INPP5F: variants seen among roughly 807,000 people sequenced by gnomAD.
INPP5F encodes the protein inositol polyphosphate-5-phosphatase F.
Under a neutral mutation model 137.2 loss-of-function variants are expected in INPP5F, and 97 were observed. That is an observed-to-expected ratio of 0.71 (90% CI 0.60 to 0.84). INPP5F has a LOEUF of 0.84. Among genes scored for constraint, INPP5F ranks in the 40% least tolerant of loss-of-function variants. The pLI is 0.00. For missense variants in INPP5F, 1,271 were observed against 1,371.9 expected (o/e 0.93, Z 1.16); for synonymous variants, 504 against 476.9 (o/e 1.06, Z -0.74).
Position 119,798,890 on chromosome 10 carries a change from C to T in INPP5F, c.1116+280C>T, listed in dbSNP as rs983700494. 4.6e-5 allele frequency among the ~76,000 whole-genome samples: 7 copies of T among 151,482 alleles called. No homozygotes were observed. The South Asian group carries it at 1.0e-3, about 23-fold the overall frequency. ...AAGCAATCTTCTCTCCTCAGCCTCC[C>T]GAGTAGCTGGGACTGCAGGCATGTG... On this transcript the variant is annotated intron_variant, in intron 9 of 19. Transcript: ENST00000650623.
At chr10:119,780,299 G>A (rs1297491367) in intron 2 of INPP5F, among the ~76,000 whole-genome samples, 1 of 152,100 alleles carries the variant, frequency 6.6e-6, no homozygotes, top group Non-Finnish European at 1.5e-5. Flanking sequence ...TATTGGCTGG[G>A]CACGGTGGCT....
rs1318753549 is a variant in INPP5F, at chr10:119,756,816, C to T, written c.178+5660C>T. ...AGAAGAATTTCAAACTATTTCTGTGCGTGTTATCCTTTGTTGATGATTGCC... is the reference window on the plus strand; with the variant it reads ...AGAAGAATTTCAAACTATTTCTGTGTGTGTTATCCTTTGTTGATGATTGCC... On this transcript the variant is annotated intron_variant, in intron 2 of 19. Coordinates refer to ENST00000650623, the MANE Select transcript of INPP5F (RefSeq NM_014937.4). 8.3e-5 allele frequency among the ~76,000 whole-genome samples: 11 copies of T among 132,918 alleles called. No homozygotes were observed. The Admixed American group carries it at 9.6e-4, about 12-fold the overall frequency. The allele number at this position is 132,918 out of a possible 152,430, so 87.2% of individuals were successfully genotyped here.
chr10:119,734,042 C>T (rs1184900204), intron 1 of INPP5F, among the ~76,000 whole-genome samples: 1 of 152,196 alleles, frequency 6.6e-6, no homozygotes, highest in Non-Finnish European at 1.5e-5. Context: ...CACTGCCTCT[C>T]TTGCCACCTA....
At position 119,781,586 on chromosome 10, in the gene INPP5F, C is replaced by G. The variant is rs560250283; in HGVS notation, c.179-49C>G. 3.2e-6 allele frequency: 5 copies of G among 1,538,588 alleles called. No homozygotes were observed. The East Asian group carries it at 1.1e-4, about 35-fold the overall frequency. The stretch of plus-strand genomic sequence containing the variant: ...GTTATTCACCTTCAACTTGTCAGAA[C>G]AGTAGCACTCTAAAAACGCCAGACT... On this transcript the variant is annotated intron_variant, in intron 2 of 19. Coordinates refer to ENST00000650623, the MANE Select transcript of INPP5F (RefSeq NM_014937.4).
chr10:119,740,751 C>T (rs1848349760), intron 1 of INPP5F, among the ~76,000 whole-genome samples: 1 of 152,152 alleles, frequency 6.6e-6, no homozygotes, highest in Admixed American at 6.5e-5. Context: ...CCATGTTGGC[C>T]AGGCTGGTCT....
At chr10:119,789,673 T>C (rs1013860764) in intron 3 of INPP5F, among the ~76,000 whole-genome samples, 2 of 151,942 alleles carry the variant, frequency 1.3e-5, no homozygotes, top group Admixed American at 6.5e-5. Context: ...TGTTGGGATA[T>C]GTGAGGCTGG....
intron 3 of INPP5F, among the ~76,000 whole-genome samples, chr10:119,786,600 G>A (rs1220945310): frequency 6.6e-6 from 1 of 152,172 alleles, no homozygotes; most frequent in African/African-American, 2.4e-5. Flanking sequence ...ACACAGGCTG[G>A]AATGCAGTGA....
Position 119,798,831 on chromosome 10 carries a change from A to G in INPP5F, c.1116+221A>G, listed in dbSNP as rs370108697. Among the ~76,000 whole-genome samples the G allele has an allele frequency of 5.2e-4, 59 of 112,410 alleles. 2 individuals are homozygous for G. The highest frequency in any genetic ancestry group is 2.0e-3 in the African/African-American group (58 of 29,362). 73.7% of individuals were successfully genotyped at this position (112,410 alleles called of 152,430 possible). A position where few individuals can be genotyped will look rare whatever the true frequency, so the allele number is the denominator to read the frequency against. Reference sequence around the variant, plus strand: ...TTTTTTAAAGAGACACTGTCTTGCTATATTGCCCAGGCTGGACTCAAACTG... The same window carrying G: ...TTTTTTAAAGAGACACTGTCTTGCTGTATTGCCCAGGCTGGACTCAAACTG... On this transcript the variant is annotated intron_variant, in intron 9 of 19. Coordinates refer to ENST00000650623, the MANE Select transcript of INPP5F (RefSeq NM_014937.4).
At chr10:119,763,784 C>T (rs556405902) in intron 2 of INPP5F, among the ~76,000 whole-genome samples, 1 of 152,316 alleles carries the variant, frequency 6.6e-6, no homozygotes, top group African/African-American at 2.4e-5. Flanking sequence ...GCTCTCTTCT[C>T]GCATTTTACT....
chr10:119,801,285 A>C (rs915520121), intron 9 of INPP5F, among the ~76,000 whole-genome samples: 31 of 152,258 alleles, frequency 2.0e-4, no homozygotes, highest in Non-Finnish European at 4.4e-5. Context: ...AGCCATTTAA[A>C]AAATCCCACA....
At chr10:119,753,493 G>A (rs961381676) in intron 2 of INPP5F, among the ~76,000 whole-genome samples, 2 of 152,292 alleles carry the variant, frequency 1.3e-5, no homozygotes, top group East Asian at 1.9e-4. Context: ...GGTCATTCAC[G>A]TAGCAACATT....
chr10:119,726,688 C>G (rs1847903299), intron 1 of INPP5F, among the ~76,000 whole-genome samples: 2 of 152,226 alleles, frequency 1.3e-5, no homozygotes, highest in African/African-American at 4.8e-5. Context: ...GCAAGGTGCA[C>G]CTGGCCGTAA....
At chr10:119,738,864 A>G (rs569290778) in intron 1 of INPP5F, among the ~76,000 whole-genome samples, 14 of 152,244 alleles carry the variant, frequency 9.2e-5, no homozygotes, top group Admixed American at 3.9e-4. Context: ...AGTTTTCAAG[A>G]TAATATAAAA....
chr10:119,804,757 T>A (rs942460172), intron 10 of INPP5F, among the ~76,000 whole-genome samples: 4 of 152,052 alleles, frequency 2.6e-5, no homozygotes, highest in Non-Finnish European at 5.9e-5. Flanking sequence ...GGTCTCACTC[T>A]GTCGCCCAGG....
At chr10:119,810,259 T>G (rs941713167) in intron 14 of INPP5F, 42 bp downstream of exon 14, 1 of 1,024,832 alleles carries the variant, frequency 9.8e-7, no homozygotes, top group Admixed American at 1.9e-5. Context: ...AATTTATGTC[T>G]TCTGTGACTA....
chr10:119,810,484 C>T (rs977364445), intron 14 of INPP5F, among the ~76,000 whole-genome samples: 1 of 152,112 alleles, frequency 6.6e-6, no homozygotes, highest in African/African-American at 2.4e-5. Flanking sequence ...GTTTGAAGCT[C>T]CTGGAGTGTG....
intron 3 of INPP5F, 73 bp downstream of exon 3, chr10:119,781,844 TAG>T (rs1849720281): frequency 8.0e-7 from 1 of 1,242,358 alleles, no homozygotes; most frequent in Admixed American, 2.2e-5. Flanking sequence ...TTTGGTTCAG[TAG>T]ACCAGAAACT....
chr10:119,792,191 T>C lies in INPP5F; in HGVS notation c.647T>C (p.Ile216Thr). 6.2e-7 allele frequency: 1 copy of C among 1,613,142 alleles called. No homozygotes were observed. Among genetic ancestry groups the C allele is most frequent in the Admixed American group, 1.7e-5 (1 of 60,018 alleles). ...CGATTTTTTTGGAATAAATACATGA[T>C]ACAAGATCTTACTGAGATTGGTGTG... The part of the protein sequence containing the change: ...DDRFFWNKYM[I>T]QDLTEIGTPD... The change falls in exon 6 of 20, where the codon ATA (isoleucine) becomes ACA (threonine). Residue 216 changes from isoleucine (I) to threonine (T), a missense_variant. By Grantham distance (89) the Ile-to-Thr change is moderately conservative. Around this residue, in one of 6 missense-constraint regions of INPP5F, gnomAD observed 593 missense variants for 712.4 expected, o/e 0.83. Coordinates refer to ENST00000650623, the MANE Select transcript of INPP5F (RefSeq NM_014937.4).
At chr10:119,819,418 A>C (rs571511325) in intron 15 of INPP5F, 1 of 1,478,634 alleles carries the variant, frequency 6.8e-7, no homozygotes, top group African/African-American at 1.4e-5. Context: ...GTAAATATTA[A>C]TGCCAAAATA....
Sources: allele counts gnomAD v4.1 joint callset (sites outside exome capture counted in the v4.1 genomes callset), GRCh38; gene constraint gnomAD v4.1.1; regional missense constraint gnomAD v4.1.1; transcripts MANE v1.5; gene names NCBI Gene and HGNC (gene_info 2026-07-23, HGNC 2026-07-21).